The following IFT57 variants were observed in gnomAD, a reference collection of about 807,000 sequenced individuals.
IFT57 encodes the protein intraflagellar transport 57.
Under a neutral mutation model 56.8 loss-of-function variants are expected in IFT57, and 59 were observed. The ratio of observed to expected loss-of-function variants is 1.04; its 90% CI spans 0.84 to 1.29. The LOEUF (loss-of-function observed/expected upper bound fraction) is 1.29, where lower values mean the gene tolerates loss of function less well. Among genes scored for constraint, IFT57 ranks in the 50% most tolerant of loss-of-function variants. The pLI is 0.00. For synonymous variants in IFT57, 209 were observed against 186.1 expected (o/e 1.12, Z -1.00); for missense variants, 470 against 522.1 (o/e 0.90, Z 0.97).
At chr3:108,162,696 G>GGGCCGGGCGCGGTGGCTCACGCCTGTA in intron 10 of IFT57, 41 bp from the exon 11 acceptor site, 3 of 1,472,540 alleles carry the variant, frequency 2.0e-6, no homozygotes, top group Non-Finnish European at 2.8e-6. Flanking sequence ...TGTTCATTTG[G>GGGCCGGGCGCGGTGGCTCACGCCTGTA]AGTATCAGTG....
intron 5 of IFT57, 83 bp downstream of exon 5, chr3:108,206,545 C>T (rs548809897): frequency 1.8e-6 from 1 of 561,232 alleles, no homozygotes; most frequent in East Asian, 3.4e-5. Flanking sequence ...CAATGGCCAA[C>T]AACGGTTTCT....
rs1394885584 is a variant in IFT57 at position 108,206,661 on chromosome 3, A to ATTATT, written c.620_621insAATAA (p.Asp207GlufsTer7). 7.1e-7 allele frequency: 1 copy of ATTATT among 1,399,100 alleles called. No homozygotes were observed. The highest frequency in any genetic ancestry group is 9.5e-7 in the Non-Finnish European group (1 of 1,052,942). 86.7% of individuals were successfully genotyped at this position (1,399,100 alleles called of 1,614,324 possible). A position where few individuals can be genotyped will look rare whatever the true frequency, so the allele number is the denominator to read the frequency against. ...ATGTCTGGGCCTTTAAAACGTTGAG[A>ATTATT]TCAATAAAGTTTTCTTCATTATCTG... On this transcript the variant is annotated frameshift_variant, in exon 5 of 11. Coordinates refer to ENST00000264538, the MANE Select transcript of IFT57 (RefSeq NM_018010.4). LOFTEE classifies it high-confidence loss of function.
intron 6 of IFT57, among the ~76,000 whole-genome samples, chr3:108,171,521 T>C (rs2080091913): frequency 6.6e-6 from 1 of 151,920 alleles, no homozygotes; most frequent in African/African-American, 2.4e-5. Flanking sequence ...AGAGATCATC[T>C]ATCCATCTAC....
intron 5 of IFT57, among the ~76,000 whole-genome samples, 181 bp from the exon 6 acceptor site, chr3:108,191,824 A>G (rs1443909226): frequency 6.6e-6 from 1 of 152,234 alleles, no homozygotes; most frequent in Non-Finnish European, 1.5e-5. Flanking sequence ...CCAACCTGGT[A>G]GAATAGCAAA....
intron 6 of IFT57, among the ~76,000 whole-genome samples, chr3:108,180,205 C>T (rs1460560544): frequency 6.6e-6 from 1 of 151,940 alleles, no homozygotes; most frequent in Non-Finnish European, 1.5e-5. Flanking sequence ...TTACAAACTA[C>T]CATCTGTTAC....
chr3:108,173,886 A>C (rs1249277290), intron 6 of IFT57, among the ~76,000 whole-genome samples: 2 of 150,462 alleles, frequency 1.3e-5, no homozygotes, highest in Non-Finnish European at 3.0e-5. Flanking sequence ...ATATTTAATG[A>C]ACAGCAAACA....
chr3:108,213,161 G>C (rs943166469), intron 4 of IFT57, among the ~76,000 whole-genome samples: 3 of 151,912 alleles, frequency 2.0e-5, no homozygotes, highest in African/African-American at 7.3e-5. Flanking sequence ...TTATGTTATT[G>C]GTAAGGCTTC....
intron 7 of IFT57, 24 bp from the exon 8 acceptor site, chr3:108,167,009 G>C: frequency 1.3e-6 from 2 of 1,596,078 alleles, no homozygotes; most frequent in Admixed American, 1.7e-5. Context: ...GGAATTTGCA[G>C]ATAGAAGAAC....
chr3:108,209,512 G>C (rs2080332236), intron 4 of IFT57, among the ~76,000 whole-genome samples: 1 of 152,162 alleles, frequency 6.6e-6, no homozygotes, highest in African/African-American at 2.4e-5. Flanking sequence ...GTGTCAATTT[G>C]ACTGAGCCAC....
intron 6 of IFT57, among the ~76,000 whole-genome samples, chr3:108,178,014 A>C (rs1428454598): frequency 1.3e-5 from 2 of 151,838 alleles, no homozygotes; most frequent in African/African-American, 2.4e-5. Flanking sequence ...TATACATAAA[A>C]AATTGTATTT....
chr3:108,167,351 C>T (rs1289620514), intron 7 of IFT57, among the ~76,000 whole-genome samples: 1 of 151,888 alleles, frequency 6.6e-6, no homozygotes, highest in Non-Finnish European at 1.5e-5. Flanking sequence ...AAATAGATCC[C>T]TAAGCCTATA....
At chr3:108,174,308 C>T (rs936657488) in intron 6 of IFT57, among the ~76,000 whole-genome samples, 5 of 149,514 alleles carry the variant, frequency 3.3e-5, no homozygotes, top group East Asian at 2.0e-4. Flanking sequence ...AACATAACTG[C>T]GATAGTTAAA....
intron 8 of IFT57, among the ~76,000 whole-genome samples, chr3:108,166,518 C>A (rs1445466799): frequency 6.6e-6 from 1 of 152,022 alleles, no homozygotes; most frequent in East Asian, 1.9e-4. Context: ...TCCTCCTACG[C>A]CAATGGTAAA....
intron 5 of IFT57, among the ~76,000 whole-genome samples, chr3:108,196,119 C>T (rs1029695783): frequency 1.3e-5 from 2 of 151,894 alleles, no homozygotes; most frequent in Non-Finnish European, 2.9e-5. Flanking sequence ...TAAATATGCA[C>T]TATGTGTTCA....
At chr3:108,195,518 T>C (rs1271357693) in intron 5 of IFT57, among the ~76,000 whole-genome samples, 2 of 152,170 alleles carry the variant, frequency 1.3e-5, no homozygotes, top group Non-Finnish European at 2.9e-5. Context: ...AAATCTGCAT[T>C]CGCATGTTTA....
intron 1 of IFT57, among the ~76,000 whole-genome samples, chr3:108,219,797 T>C (rs992077561): frequency 6.6e-6 from 1 of 152,130 alleles, no homozygotes; most frequent in African/African-American, 2.4e-5. Context: ...ACCCAAAATA[T>C]TAGATCAAAG....
At chr3:108,196,042 A>T (rs1044210244) in intron 5 of IFT57, among the ~76,000 whole-genome samples, 2 of 152,294 alleles carry the variant, frequency 1.3e-5, no homozygotes, top group Non-Finnish European at 2.9e-5. Context: ...GGTGATTGAT[A>T]GCCCAATTAC....
chr3:108,161,908 T>C lies in IFT57; in HGVS notation c.*569A>G, dbSNP rs1027414003. 2.0e-5 allele frequency: 3 copies of C among 152,192 alleles called. No individual in the cohort carries two copies. The highest frequency in any genetic ancestry group is 7.2e-5 in the African/African-American group (3 of 41,460). The allele number at this position is 152,192 out of a possible 1,614,324, so 9.4% of individuals were successfully genotyped here. On this transcript the variant is annotated 3_prime_UTR_variant, in exon 11 of 11. Coordinates refer to ENST00000264538, the MANE Select transcript of IFT57 (RefSeq NM_018010.4). The stretch of plus-strand genomic sequence containing the variant: ...TAGATCCTAGAAGATAGATTCCCTA[T>C]AAAATCATTTTAGCCACGAAATATT...
chr3:108,206,054 TTATTTATA>T (rs1475138191), intron 5 of IFT57, among the ~76,000 whole-genome samples: 1 of 120,620 alleles, frequency 8.3e-6, no homozygotes, highest in African/African-American at 3.1e-5. Context: ...ATATTATATA[TTATTTATA>T]TATAATAATA....
Sources: gnomAD v4.1 joint callset for allele counts (sites outside exome capture counted in the v4.1 genomes callset) on GRCh38, gnomAD v4.1.1 for gene constraint, MANE v1.5 for transcripts, NCBI Gene and HGNC (gene_info 2026-07-23, HGNC 2026-07-21) for gene names.